TNFSF11: variants seen among roughly 807,000 people sequenced by gnomAD.
TNFSF11 encodes the protein tumor necrosis factor ligand superfamily member 11.
In TNFSF11, 12 loss-of-function variants were observed where a neutral mutation model predicts 32.2. The observed-to-expected ratio is 0.37, with a 90% CI of 0.24 to 0.60. The LOEUF is 0.60. TNFSF11 is among the 20% of genes least tolerant of loss of function. The probability of loss-of-function intolerance (pLI) is 0.66; values close to 1 mark genes in which losing one functional copy is unlikely to be tolerated. For synonymous variants in TNFSF11, 172 were observed against 152.1 expected (o/e 1.13, Z -0.96); for missense variants, 345 against 398.0 (o/e 0.87, Z 1.13).
rs952849501 is a variant in TNFSF11 at position 42,589,779 on chromosome 13, G to A, written c.387+8486G>A. Among the ~76,000 whole-genome samples, 69 of 152,218 alleles carry A rather than the reference G, an allele frequency of 4.5e-4. 1 individual carries two copies. Among genetic ancestry groups the A allele is most frequent in the Non-Finnish European group, 7.8e-4 (53 of 68,036 alleles). The stretch of plus-strand genomic sequence containing the variant: ...GTCTGTCCTGCGAACAGTGTCCTCA[G>A]AAACCCACAGGACTCCTGACTCCTA... On this transcript the variant is annotated intron_variant, in intron 2 of 4. Transcript: ENST00000398795.
chr13:42,583,908 A>T lies in TNFSF11; in HGVS notation c.387+2615A>T, dbSNP rs147451158. ...GTGATATAATTATATACTTAGGAAAATTCAAAAGAAGCTGAAATGCTACAA... is the reference window on the plus strand; with the variant it reads ...GTGATATAATTATATACTTAGGAAATTTCAAAAGAAGCTGAAATGCTACAA... On this transcript the variant is annotated intron_variant, in intron 2 of 4. Coordinates refer to ENST00000398795, the MANE Select transcript of TNFSF11 (RefSeq NM_003701.4). Among the ~76,000 whole-genome samples, 929 of 152,284 alleles carry T rather than the reference A, an allele frequency of 6.1e-3. 3 individuals are homozygous for T. Among genetic ancestry groups the T allele is most frequent in the Non-Finnish European group, 0.011 (753 of 68,024 alleles).
At chr13:42,577,545 G>A (rs1873382506) in intron 1 of TNFSF11, among the ~76,000 whole-genome samples, 1 of 152,206 alleles carries the variant, frequency 6.6e-6, no homozygotes, top group Non-Finnish European at 1.5e-5. Flanking sequence ...GTGTGTGTGT[G>A]TGCATGTGTA....
intron 2 of TNFSF11, among the ~76,000 whole-genome samples, chr13:42,597,449 G>T (rs998379268): frequency 2.0e-5 from 3 of 149,510 alleles, no homozygotes; most frequent in African/African-American, 7.4e-5. Context: ...CTCTGACCTA[G>T]AAGTTTCTGA....
intron 2 of TNFSF11, among the ~76,000 whole-genome samples, chr13:42,598,132 C>T (rs1868922891): frequency 6.6e-6 from 1 of 152,198 alleles, no homozygotes; most frequent in Admixed American, 6.5e-5. Context: ...CAAGCATGAG[C>T]CATCATGCCT....
At chr13:42,597,340 C>CTTTTTTTTTTTTTTT (rs774612741) in intron 2 of TNFSF11, among the ~76,000 whole-genome samples, 1 of 125,756 alleles carries the variant, frequency 8.0e-6, no homozygotes. Context: ...GCCTTTTGTT[C>CTTTTTTTTTTTTTTT]TTTTTTTTTT....
intron 2 of TNFSF11, among the ~76,000 whole-genome samples, chr13:42,568,276 T>A (rs1012044286): frequency 1.8e-4 from 27 of 152,248 alleles, no homozygotes; most frequent in Admixed American, 8.5e-4. Flanking sequence ...CAGCTTAAAT[T>A]CCTGTGTTAC....
intron 2 of TNFSF11, among the ~76,000 whole-genome samples, chr13:42,595,618 C>T (rs1868764952): frequency 6.6e-6 from 1 of 152,198 alleles, no homozygotes; most frequent in Non-Finnish European, 1.5e-5. Flanking sequence ...AAGTTACCTG[C>T]ACTTCTCTAC....
intron 1 of TNFSF11, among the ~76,000 whole-genome samples, chr13:42,565,026 A>G (rs1872818334): frequency 6.6e-6 from 1 of 152,212 alleles, no homozygotes; most frequent in Non-Finnish European, 1.5e-5. Context: ...TTAATCTGTT[A>G]CATCAGCTCC....
intron 2 of TNFSF11, among the ~76,000 whole-genome samples, chr13:42,595,662 CAT>C (rs1259812969): frequency 1.3e-5 from 2 of 152,308 alleles, no homozygotes; most frequent in African/African-American, 2.4e-5. Flanking sequence ...GCGTAGGTAA[CAT>C]GTGGTTGTGT....
intron 2 of TNFSF11, among the ~76,000 whole-genome samples, chr13:42,582,502 A>G (rs891910983): frequency 6.6e-6 from 1 of 152,248 alleles, no homozygotes; most frequent in Non-Finnish European, 1.5e-5. Flanking sequence ...AAAATTAAAC[A>G]TGATCATCAT....
chr13:42,576,363 C>T (rs1214092793), intron 1 of TNFSF11, among the ~76,000 whole-genome samples: 1 of 151,864 alleles, frequency 6.6e-6, no homozygotes, highest in Non-Finnish European at 1.5e-5. Flanking sequence ...CGGTGGTCCC[C>T]GTGGGTGAGG....
chr13:42,590,409 G>T (rs1048476448), intron 2 of TNFSF11, among the ~76,000 whole-genome samples: 2 of 152,170 alleles, frequency 1.3e-5, no homozygotes, highest in African/African-American at 2.4e-5. Context: ...GGGGTTGGGG[G>T]TGCTCCTTCA....
At position 42,564,210 on chromosome 13, in the gene TNFSF11, T is replaced by C. The variant is rs147929190; in HGVS notation, c.-302+1247T>C. The stretch of plus-strand genomic sequence containing the variant: ...TCCACTTCTTTGTTGCAGTTCTCTA[T>C]CTCTTCATCCATTTTGTTTACCTTT... On this transcript the variant is annotated intron_variant, in intron 1 of 6. Transcript: ENST00000358545. Among the ~76,000 whole-genome samples, 15 of 152,318 alleles carry C rather than the reference T, an allele frequency of 9.8e-5. No individual in the cohort carries two copies. The East Asian group carries it at 2.7e-3, about 27-fold the overall frequency.
At chr13:42,602,954 C>T (rs1048647715) in intron 4 of TNFSF11, among the ~76,000 whole-genome samples, 1 of 152,158 alleles carries the variant, frequency 6.6e-6, no homozygotes, top group African/African-American at 2.4e-5. Flanking sequence ...GGCAAAACTC[C>T]TGGTTATTTT....
intron 1 of TNFSF11, 39 bp downstream of exon 1, chr13:42,574,561 G>T (rs1284100002): frequency 6.3e-7 from 1 of 1,589,718 alleles, no homozygotes. Flanking sequence ...GGCTGAGAGC[G>T]CCCATCTCCT....
At chr13:42,581,008 T>C in intron 1 of TNFSF11, 118 bp from the exon 2 acceptor site, 1 of 1,042,902 alleles carries the variant, frequency 9.6e-7, no homozygotes, top group East Asian at 2.4e-5. Context: ...AACTATTCAT[T>C]GTTGGGGACA....
At chr13:42,597,340 C>CAT in intron 2 of TNFSF11, among the ~76,000 whole-genome samples, 1 of 125,756 alleles carries the variant, frequency 8.0e-6, no homozygotes, top group East Asian at 2.4e-4. Context: ...GCCTTTTGTT[C>CAT]TTTTTTTTTT....
chr13:42,566,997 AT>A (rs1872895319), intron 2 of TNFSF11, among the ~76,000 whole-genome samples: 2 of 26,050 alleles, frequency 7.7e-5, no homozygotes, highest in South Asian at 1.4e-3. Flanking sequence ...GTCTCAAAAA[AT>A]AAATAAATAA....
At chr13:42,569,686 G>T (rs1385234689), upstream of TNFSF11, among the ~76,000 whole-genome samples, 1 of 152,182 alleles carries the variant, frequency 6.6e-6, no homozygotes, top group African/African-American at 2.4e-5. Context: ...AGGAACCAAG[G>T]AATTTAGGTG....
Sources: allele counts gnomAD v4.1 joint callset (sites outside exome capture counted in the v4.1 genomes callset), GRCh38; gene constraint gnomAD v4.1.1; transcripts MANE v1.5; gene names NCBI Gene and HGNC (gene_info 2026-07-23, HGNC 2026-07-21).